The following SH3PXD2A variants were observed in gnomAD, a reference collection of about 807,000 sequenced individuals.
SH3PXD2A encodes the protein SH3 and PX domain-containing protein 2A.
SH3PXD2A carries 32 observed loss-of-function variants against 115.2 expected under a neutral mutation model. That is an observed-to-expected ratio of 0.28 (90% CI 0.21 to 0.37). SH3PXD2A has a LOEUF of 0.37. Among genes scored for constraint, SH3PXD2A ranks in the 10% least tolerant of loss-of-function variants. The pLI, the probability that SH3PXD2A is intolerant of heterozygous loss-of-function variation, is 1.00. For missense variants in SH3PXD2A, 1,328 were observed against 1,498.7 expected (o/e 0.89, Z 1.88); for synonymous variants, 610 against 629.1 (o/e 0.97, Z 0.45).
chr10:103,665,061 TG>T lies in SH3PXD2A; in HGVS notation c.472+3546del, dbSNP rs1417212699. 2.0e-5 allele frequency among the ~76,000 whole-genome samples: 3 copies of T among 152,110 alleles called. No homozygotes were observed. The highest frequency in any genetic ancestry group is 4.4e-5 in the Non-Finnish European group (3 of 68,026). On this transcript the variant is annotated intron_variant, in intron 7 of 14. Transcript: ENST00000369774. This position sits in a 1 kb window ranked among gnomAD's most constrained non-coding sequence, Gnocchi z 4.0. Reference sequence around the variant, plus strand: ...TGGCAGGCACTCAATAAGTGTGAAATGAACCAGTGAAACGCGTGAACTGGCA... The same window carrying T: ...TGGCAGGCACTCAATAAGTGTGAAATAACCAGTGAAACGCGTGAACTGGCA...
At chr10:103,711,419 T>A (rs1050578095) in intron 5 of SH3PXD2A, among the ~76,000 whole-genome samples, 2 of 152,114 alleles carry the variant, frequency 1.3e-5, no homozygotes, top group Non-Finnish European at 2.9e-5. Flanking sequence ...GGGTTGGGGA[T>A]GAAGTTCAAA....
intron 8 of SH3PXD2A, among the ~76,000 whole-genome samples, chr10:103,659,659 G>T (rs1240675938): frequency 6.6e-6 from 1 of 152,220 alleles, no homozygotes; most frequent in Admixed American, 6.5e-5. Flanking sequence ...CTCTGCCAGG[G>T]AGGACTGTCA....
intron 5 of SH3PXD2A, among the ~76,000 whole-genome samples, chr10:103,709,305 G>A (rs1223850648): frequency 6.6e-6 from 1 of 152,118 alleles, no homozygotes; most frequent in African/African-American, 2.4e-5. Context: ...CAAAAATCCT[G>A]GTGCTAATCC....
intron 8 of SH3PXD2A, among the ~76,000 whole-genome samples, chr10:103,660,430 C>T (rs916868927): frequency 2.0e-5 from 3 of 152,232 alleles, no homozygotes; most frequent in Non-Finnish European, 4.4e-5. Context: ...CCCCTCACTG[C>T]GCTTGCTTTC....
intron 5 of SH3PXD2A, among the ~76,000 whole-genome samples, chr10:103,718,733 T>C (rs972580289): frequency 6.8e-6 from 1 of 147,426 alleles, no homozygotes; most frequent in Non-Finnish European, 1.5e-5. Flanking sequence ...CCTTTCCCTT[T>C]CTGCTCCCCT....
At chr10:103,617,154 G>A in intron 11 of SH3PXD2A, 43 bp downstream of exon 11, 1 of 1,400,096 alleles carries the variant, frequency 7.1e-7, no homozygotes, top group Non-Finnish European at 1.0e-6. Flanking sequence ...CCAGGGCCCA[G>A]GTGGGCGAGA....
intron 2 of SH3PXD2A, among the ~76,000 whole-genome samples, chr10:103,792,040 A>G (rs978535711): frequency 2.0e-5 from 3 of 152,088 alleles, no homozygotes; most frequent in African/African-American, 7.2e-5. Flanking sequence ...CACAGGCACA[A>G]GTTGAAAGGG....
chr10:103,793,357 C>A (rs760122870), intron 2 of SH3PXD2A, among the ~76,000 whole-genome samples: 3 of 152,032 alleles, frequency 2.0e-5, no homozygotes, highest in Non-Finnish European at 4.4e-5. Context: ...TATTATCATA[C>A]TATAAGTACT....
Position 103,667,548 on chromosome 10 carries a change from G to C in SH3PXD2A, c.472+1060C>G, listed in dbSNP as rs369938700. On this transcript the variant is annotated intron_variant, in intron 7 of 14. Transcript: ENST00000369774. ...TCACAGGAAACTCCAGAAGGAGATT[G>C]CAACGCCCTCCGACCCACTGCCTTC... 4.6e-5 allele frequency among the ~76,000 whole-genome samples: 7 copies of C among 152,198 alleles called. 1 individual carries two copies. In the East Asian group the frequency reaches 9.6e-4, roughly 21 times the overall value.
intron 8 of SH3PXD2A, 98 bp downstream of exon 8, chr10:103,660,885 A>C: frequency 1.0e-5 from 13 of 1,278,182 alleles, no homozygotes; most frequent in Non-Finnish European, 1.4e-5. Flanking sequence ...GAAATAACGT[A>C]TAGCTGCAGC....
intron 12 of SH3PXD2A, 97 bp from the exon 13 acceptor site, chr10:103,611,727 A>C: frequency 1.1e-6 from 1 of 940,878 alleles, no homozygotes; most frequent in Non-Finnish European, 1.8e-6. Flanking sequence ...CTGATCCTTC[A>C]AGTTCATGCT....
rs2036165443 is a variant in SH3PXD2A at position 103,598,476 on chromosome 10, C to T, written c.*3340G>A. ...GAAAACAAAGCACCAAATGCTGCAT[C>T]TTCGGGCATTATATGAACCTCAATA... On this transcript the variant is annotated 3_prime_UTR_variant, in exon 15 of 15. Coordinates refer to ENST00000369774, the MANE Select transcript of SH3PXD2A (RefSeq NM_001394015.1). 6.5e-6 allele frequency: 1 copy of T among 152,790 alleles called. No individual in the cohort carries two copies. The highest frequency in any genetic ancestry group is 2.1e-4 in the South Asian group (1 of 4,828). 9.5% of individuals were successfully genotyped at this position (152,790 alleles called of 1,614,324 possible).
At chr10:103,692,382 G>C (rs1289528171) in intron 6 of SH3PXD2A, among the ~76,000 whole-genome samples, 1 of 152,116 alleles carries the variant, frequency 6.6e-6, no homozygotes, top group Non-Finnish European at 1.5e-5. Context: ...GGCCAATGCG[G>C]GGGGCGGGGA....
intron 5 of SH3PXD2A, among the ~76,000 whole-genome samples, chr10:103,716,334 C>A (rs950899534): frequency 1.3e-5 from 2 of 152,134 alleles, no homozygotes; most frequent in African/African-American, 4.8e-5. Context: ...CCCTGATGGG[C>A]AGGCTGAGGC....
intron 6 of SH3PXD2A, among the ~76,000 whole-genome samples, chr10:103,681,753 C>CACACGT (rs3068808): frequency 8.8e-6 from 1 of 113,516 alleles, no homozygotes; most frequent in African/African-American, 3.6e-5. Flanking sequence ...CACACACACA[C>CACACGT]GCGCCCGCGC....
At chr10:103,749,945 C>G (rs112986042) in intron 3 of SH3PXD2A, 57 of 152,218 alleles carry the variant, frequency 3.7e-4, no homozygotes, top group Non-Finnish European at 6.6e-4. Flanking sequence ...TGCAGTCAAG[C>G]CTTCAGCTGA....
chr10:103,760,529 T>C (rs1225603945), intron 3 of SH3PXD2A, among the ~76,000 whole-genome samples: 1 of 151,990 alleles, frequency 6.6e-6, no homozygotes, highest in Admixed American at 6.6e-5. Flanking sequence ...GTGACTGTAC[T>C]ACTGTACTCC....
In SH3PXD2A at chr10:103,662,341, CGGGGGGGGGGGCG is replaced by C. The variant is rs1478603341; in HGVS notation, c.473-1240_473-1228del. The stretch of plus-strand genomic sequence containing the variant: ...CAACTCTTCCCATCACCATTATTGG[CGGGGGGGGGGGCG>C]GGGGGGGATAAGACACTTAAAATAT... On this transcript the variant is annotated intron_variant, in intron 7 of 14. Coordinates refer to ENST00000369774, the MANE Select transcript of SH3PXD2A (RefSeq NM_001394015.1). Among the ~76,000 whole-genome samples the C allele has an allele frequency of 5.6e-4, 6 of 10,628 alleles. 1 individual carries two copies. The highest frequency in any genetic ancestry group is 1.1e-3 in the African/African-American group (4 of 3,664). 7.0% of individuals were successfully genotyped at this position (10,628 alleles called of 152,430 possible).
chr10:103,823,843 G>A (rs568884839), intron 1 of SH3PXD2A, among the ~76,000 whole-genome samples: 7 of 152,222 alleles, frequency 4.6e-5, no homozygotes, highest in Admixed American at 3.9e-4. Flanking sequence ...ATGAGGGAAA[G>A]AAGGGCAGCG....
Sources: gnomAD v4.1 joint callset for allele counts (sites outside exome capture counted in the v4.1 genomes callset) on GRCh38, gnomAD v4.1.1 for gene constraint, Gnocchi (gnomAD v3.1) non-coding constraint, MANE v1.5 for transcripts, NCBI Gene and HGNC (gene_info 2026-07-23, HGNC 2026-07-21) for gene names.